The following FRMD4A variants were observed in gnomAD, a reference collection of about 807,000 sequenced individuals.
FRMD4A encodes FERM domain containing 4A, also known as FERM domain-containing protein 4A.
A neutral mutation model predicts 129.1 loss-of-function variants in FRMD4A; 29 were observed. The ratio of observed to expected loss-of-function variants is 0.22; its 90% CI spans 0.17 to 0.31. The LOEUF (loss-of-function observed/expected upper bound fraction) is 0.31. Ranked by LOEUF, FRMD4A falls within the 10% of genes least tolerant of loss-of-function variation. The pLI, the probability that FRMD4A is intolerant of heterozygous loss-of-function variation, is 1.00. For missense variants in FRMD4A, 1,272 were observed against 1,375.8 expected (o/e 0.92, Z 1.19); for synonymous variants, 634 against 571.6 (o/e 1.11, Z -1.56).
chr10:13,817,642 TC>T (rs1290931209), intron 3 of FRMD4A, among the ~76,000 whole-genome samples: 2 of 152,164 alleles, frequency 1.3e-5, no homozygotes, highest in Non-Finnish European at 2.9e-5. Context: ...AAACGGGAGT[TC>T]CCCTGCACAA....
At chr10:13,861,408 C>CG (rs529612049) in intron 2 of FRMD4A, among the ~76,000 whole-genome samples, 2 of 152,292 alleles carry the variant, frequency 1.3e-5, no homozygotes, top group African/African-American at 4.8e-5. Flanking sequence ...TCCATCAAGT[C>CG]GGGTTTTCCT....
chr10:13,836,200 G>A (rs563068481), intron 3 of FRMD4A, among the ~76,000 whole-genome samples: 17 of 152,340 alleles, frequency 1.1e-4, no homozygotes, highest in Non-Finnish European at 2.4e-4. Context: ...GTTTTGCCAT[G>A]TTGGCCAGGC....
chr10:14,252,455 G>A (rs1223193380), intron 2 of FRMD4A, among the ~76,000 whole-genome samples: 1 of 152,130 alleles, frequency 6.6e-6, no homozygotes, highest in African/African-American at 2.4e-5. Flanking sequence ...GACTCTTTTT[G>A]GGGTACTTTA....
chr10:13,694,920 G>A (rs1032435682), intron 14 of FRMD4A, among the ~76,000 whole-genome samples: 3 of 152,046 alleles, frequency 2.0e-5, no homozygotes, highest in Non-Finnish European at 4.4e-5. Context: ...TGGAAAAACT[G>A]CTCATTTGGA....
intron 15 of FRMD4A, chr10:13,675,770 A>G (rs2083928950): frequency 6.6e-6 from 1 of 152,146 alleles, no homozygotes; most frequent in African/African-American, 2.4e-5. Context: ...TGCAAAGATA[A>G]TGTGTGTTTA....
At chr10:13,676,975 A>G (rs530006555) in intron 15 of FRMD4A, among the ~76,000 whole-genome samples, 1 of 152,356 alleles carries the variant, frequency 6.6e-6, no homozygotes, top group South Asian at 2.1e-4. Flanking sequence ...CCCAGAATCC[A>G]CAGTTCTGTT....
intron 8 of FRMD4A, among the ~76,000 whole-genome samples, chr10:13,756,659 T>C (rs2091877347): frequency 6.6e-6 from 1 of 152,172 alleles, no homozygotes; most frequent in South Asian, 2.1e-4. Context: ...GCCACCATGC[T>C]TTGCTTAAAG....
chr10:13,963,652 G>A (rs2095462457), intron 2 of FRMD4A, among the ~76,000 whole-genome samples: 1 of 152,186 alleles, frequency 6.6e-6, no homozygotes, highest in Non-Finnish European at 1.5e-5. Context: ...TTTTCAAAAT[G>A]ATTATTCTAG....
At chr10:14,152,601 C>G (rs1418783637) in intron 2 of FRMD4A, among the ~76,000 whole-genome samples, 1 of 152,132 alleles carries the variant, frequency 6.6e-6, no homozygotes, top group Non-Finnish European at 1.5e-5. Flanking sequence ...TAGAGAGAAG[C>G]CGGGCGCGGT....
At chr10:13,871,356 G>T (rs1202562548) in intron 2 of FRMD4A, among the ~76,000 whole-genome samples, 1 of 152,186 alleles carries the variant, frequency 6.6e-6, no homozygotes, top group African/African-American at 2.4e-5. Context: ...CGGACCAGCG[G>T]CCTCTGACAG....
intron 2 of FRMD4A, among the ~76,000 whole-genome samples, chr10:14,239,551 C>T (rs980811109): frequency 6.6e-6 from 1 of 151,966 alleles, no homozygotes; most frequent in Non-Finnish European, 1.5e-5. Flanking sequence ...AGGTTGAACC[C>T]GGGAGGCGGA....
chr10:13,919,825 C>G (rs1486840478), intron 2 of FRMD4A, among the ~76,000 whole-genome samples: 3 of 151,994 alleles, frequency 2.0e-5, no homozygotes, highest in Non-Finnish European at 4.4e-5. Context: ...GTAATCCCAG[C>G]CATTCGGGAG....
At chr10:13,854,679 T>C (rs1166547136) in intron 3 of FRMD4A, among the ~76,000 whole-genome samples, 1 of 151,420 alleles carries the variant, frequency 6.6e-6, no homozygotes, top group African/African-American at 2.4e-5. Flanking sequence ...TGATCCACTC[T>C]CCTTGGCCTC....
chr10:14,047,804 T>A (rs571406258), intron 2 of FRMD4A, among the ~76,000 whole-genome samples: 12 of 152,294 alleles, frequency 7.9e-5, no homozygotes, highest in South Asian at 6.2e-4. Context: ...AAGCGGTGAC[T>A]TGGAATAGGA....
At chr10:13,886,461 A>T (rs1695798137) in intron 2 of FRMD4A, among the ~76,000 whole-genome samples, 1 of 152,174 alleles carries the variant, frequency 6.6e-6, no homozygotes, top group South Asian at 2.1e-4. Flanking sequence ...TGCATTACTA[A>T]CTGAGGAAGA....
At chr10:13,846,459 G>C (rs1447299610) in intron 3 of FRMD4A, among the ~76,000 whole-genome samples, 1 of 152,180 alleles carries the variant, frequency 6.6e-6, no homozygotes, top group African/African-American at 2.4e-5. Context: ...TGAAGGTGAT[G>C]GGGTTCAGAC....
At position 14,130,496 on chromosome 10, in the gene FRMD4A, G is replaced by T. The variant is rs555654522; in HGVS notation, c.45+199562C>A. Among the ~76,000 whole-genome samples, 3 of 152,154 alleles carry T rather than the reference G, an allele frequency of 2.0e-5. No homozygotes were observed. The South Asian group carries it at 6.3e-4, about 32-fold the overall frequency. On this transcript the variant is annotated intron_variant, in intron 2 of 24. Coordinates refer to ENST00000357447, the MANE Select transcript of FRMD4A (RefSeq NM_018027.5). ...AGGCTCCTGGCCATAAACAATCCTC[G>T]CACCCCGGCCTACCAAAGTGCTGGG...
chr10:13,971,713 G>T (rs1270831950), intron 2 of FRMD4A: 3 of 1,304,352 alleles, frequency 2.3e-6, no homozygotes, highest in Admixed American at 2.3e-5. Flanking sequence ...GAACTCGAAT[G>T]TTCCTCACTT....
intron 8 of FRMD4A, chr10:13,756,336 T>C (rs2091858982): frequency 6.6e-6 from 1 of 152,226 alleles, no homozygotes; most frequent in Non-Finnish European, 1.5e-5. Flanking sequence ...TACTTCAATA[T>C]TGCAAAATGC....
Sources: gnomAD v4.1 joint callset for allele counts (sites outside exome capture counted in the v4.1 genomes callset) on GRCh38, gnomAD v4.1.1 for gene constraint, MANE v1.5 for transcripts, NCBI Gene and HGNC (gene_info 2026-07-23, HGNC 2026-07-21) for gene names.